PDLIM5: variants seen among roughly 807,000 people sequenced by gnomAD.
The protein encoded by PDLIM5 is PDZ and LIM domain 5, also known as PDZ and LIM domain protein 5.
Under a neutral mutation model 64.2 loss-of-function variants are expected in PDLIM5, and 34 were observed. The ratio of observed to expected loss-of-function variants is 0.53; its 90% CI spans 0.40 to 0.71. The LOEUF (loss-of-function observed/expected upper bound fraction) is 0.71, where lower values mean the gene tolerates loss of function less well. Ranked by LOEUF, PDLIM5 falls within the 30% of genes least tolerant of loss-of-function variation. The pLI, the probability that PDLIM5 is intolerant of heterozygous loss-of-function variation, is 0.00. For missense variants in PDLIM5, 683 were observed against 733.6 expected (o/e 0.93, Z 0.80); for synonymous variants, 253 against 269.1 (o/e 0.94, Z 0.59).
chr4:94,540,813 T>C (rs983059187), intron 3 of PDLIM5, among the ~76,000 whole-genome samples: 1 of 152,220 alleles, frequency 6.6e-6, no homozygotes, highest in Non-Finnish European at 1.5e-5. Flanking sequence ...AACACAAATA[T>C]ACTCATTCAT....
At chr4:94,492,094 C>A (rs1287487196) in intron 2 of PDLIM5, among the ~76,000 whole-genome samples, 1 of 126,962 alleles carries the variant, frequency 7.9e-6, no homozygotes. Flanking sequence ...ATAGTCAATG[C>A]TGATACACTT....
intron 1 of PDLIM5, among the ~76,000 whole-genome samples, chr4:94,452,960 GA>G (rs1205948424): frequency 6.6e-6 from 1 of 152,286 alleles, no homozygotes; most frequent in East Asian, 1.9e-4. Context: ...CCATTGCGGG[GA>G]AAGAGAATCT....
chr4:94,486,826 A>G (rs1488406126), intron 2 of PDLIM5, among the ~76,000 whole-genome samples: 1 of 152,096 alleles, frequency 6.6e-6, no homozygotes, highest in African/African-American at 2.4e-5. Flanking sequence ...ACAGAGCAAG[A>G]CCCTGTCTCT....
At chr4:94,581,117 T>C (rs1043373284) in intron 5 of PDLIM5, among the ~76,000 whole-genome samples, 2 of 152,154 alleles carry the variant, frequency 1.3e-5, no homozygotes, top group Admixed American at 6.5e-5. Context: ...GATTGCAGTT[T>C]GCCCAGGGCA....
intron 2 of PDLIM5, among the ~76,000 whole-genome samples, chr4:94,485,515 T>C (rs1409635120): frequency 6.6e-6 from 1 of 152,174 alleles, no homozygotes; most frequent in Non-Finnish European, 1.5e-5. Flanking sequence ...CATGGAGTTC[T>C]GTTTAGTTCA....
chr4:94,537,406 G>C lies in PDLIM5; in HGVS notation c.248+13531G>C, dbSNP rs568511604. ...TGTTTTCTTATCCTGAGAATTTCTGGTACACAAATTATTCTTAAAACAGAA... is the reference window on the plus strand; with the variant it reads ...TGTTTTCTTATCCTGAGAATTTCTGCTACACAAATTATTCTTAAAACAGAA... On this transcript the variant is annotated intron_variant, in intron 3 of 12. Coordinates refer to ENST00000317968, the MANE Select transcript of PDLIM5 (RefSeq NM_006457.5). Among the ~76,000 whole-genome samples the C allele has an allele frequency of 1.6e-4, 24 of 152,152 alleles. 1 individual carries two copies. In the South Asian group the frequency reaches 4.1e-3, roughly 26 times the overall value.
chr4:94,630,190 T>G (rs1279512416), intron 8 of PDLIM5, among the ~76,000 whole-genome samples: 1 of 152,092 alleles, frequency 6.6e-6, no homozygotes, highest in Admixed American at 6.5e-5. Flanking sequence ...AGAGTGCCAC[T>G]TTGATGTATC....
Position 94,666,136 on chromosome 4 carries a change from C to T in PDLIM5, c.*2069C>T, listed in dbSNP as rs999685025. ...TCCTTCCTGCCCCATCACTCACTTA[C>T]GACATCACTTCCATTGTGTGCATGT... On this transcript the variant is annotated 3_prime_UTR_variant, in exon 13 of 13. Coordinates refer to ENST00000317968, the MANE Select transcript of PDLIM5 (RefSeq NM_006457.5). The T allele has an allele frequency of 8.6e-6, 7 of 811,350 alleles. No homozygotes were observed. Among genetic ancestry groups the T allele is most frequent in the Admixed American group, 7.9e-5 (3 of 37,846 alleles). The allele number at this position is 811,350 out of a possible 1,614,324, so 50.3% of individuals were successfully genotyped here.
chr4:94,558,175 T>C (rs1025640226), intron 3 of PDLIM5, among the ~76,000 whole-genome samples: 1 of 152,240 alleles, frequency 6.6e-6, no homozygotes, highest in Non-Finnish European at 1.5e-5. Context: ...CTTGTGGTTT[T>C]TGTCTTTGGT....
At position 94,573,415 on chromosome 4, in the gene PDLIM5, C is replaced by T. The variant is rs111676493; in HGVS notation, c.291+22C>T. Reference sequence around the variant, plus strand: ...AAAGGTGTGTTTTTAAGCTAGCACCCAGAGTATCACTTGATTGTCCTTGCT... The same window carrying T: ...AAAGGTGTGTTTTTAAGCTAGCACCTAGAGTATCACTTGATTGTCCTTGCT... On this transcript the variant is annotated intron_variant, in intron 4 of 12. Coordinates refer to ENST00000317968, the MANE Select transcript of PDLIM5 (RefSeq NM_006457.5). 25 of 1,581,932 alleles carry T rather than the reference C, an allele frequency of 1.6e-5. No individual in the cohort carries two copies. In the African/African-American group the frequency reaches 2.8e-4, roughly 18 times the overall value.
intron 5 of PDLIM5, among the ~76,000 whole-genome samples, 187 bp downstream of exon 5, chr4:94,576,221 T>C (rs1277187060): frequency 1.3e-5 from 2 of 152,220 alleles, no homozygotes; most frequent in African/African-American, 4.8e-5. Context: ...TTATCACTTA[T>C]TCAAAAGCTA....
intron 2 of PDLIM5, among the ~76,000 whole-genome samples, chr4:94,479,337 T>TA (rs1271826665): frequency 2.7e-5 from 4 of 149,988 alleles, no homozygotes; most frequent in African/African-American, 9.8e-5. Context: ...AGACTTTTTT[T>TA]TTTTTTTTTG....
chr4:94,652,456 A>C (rs1185824094), intron 9 of PDLIM5, among the ~76,000 whole-genome samples: 2 of 152,172 alleles, frequency 1.3e-5, no homozygotes, highest in Non-Finnish European at 2.9e-5. Flanking sequence ...AACACAGGGC[A>C]CTCATCAAAC....
intron 5 of PDLIM5, chr4:94,585,108 T>G: frequency 1.5e-6 from 1 of 667,874 alleles, no homozygotes; most frequent in African/African-American, 1.9e-5. Flanking sequence ...TGTTTTTTTG[T>G]GAAACAGAGT....
At chr4:94,485,394 A>G (rs1184231318) in intron 2 of PDLIM5, among the ~76,000 whole-genome samples, 3 of 152,206 alleles carry the variant, frequency 2.0e-5, no homozygotes. Flanking sequence ...TTATTGTGCT[A>G]CAGCTATGTC....
At chr4:94,545,267 A>G (rs1318405580) in intron 3 of PDLIM5, among the ~76,000 whole-genome samples, 1 of 152,202 alleles carries the variant, frequency 6.6e-6, no homozygotes, top group Non-Finnish European at 1.5e-5. Flanking sequence ...TTTACATCAC[A>G]AATGATGGAG....
intron 8 of PDLIM5, among the ~76,000 whole-genome samples, chr4:94,625,792 C>T (rs185677428): frequency 1.6e-4 from 25 of 152,210 alleles, no homozygotes; most frequent in Admixed American, 3.3e-4. Flanking sequence ...CCGTATTGAA[C>T]AGATAACAGT....
intron 3 of PDLIM5, among the ~76,000 whole-genome samples, chr4:94,525,283 G>A (rs1233968930): frequency 4.6e-5 from 7 of 152,196 alleles, no homozygotes; most frequent in Non-Finnish European, 8.8e-5. Context: ...GATGGGTGTG[G>A]TGGTGCATGC....
At chr4:94,545,277 G>T in intron 3 of PDLIM5, among the ~76,000 whole-genome samples, 1 of 152,140 alleles carries the variant, frequency 6.6e-6, no homozygotes, top group East Asian at 1.9e-4. Flanking sequence ...AAATGATGGA[G>T]CCTGCTCCTT....
Sources: gnomAD v4.1 joint callset for allele counts (sites outside exome capture counted in the v4.1 genomes callset) on GRCh38, gnomAD v4.1.1 for gene constraint, MANE v1.5 for transcripts, NCBI Gene and HGNC (gene_info 2026-07-23, HGNC 2026-07-21) for gene names.